PARD3: variants seen among roughly 807,000 people sequenced by gnomAD.
The protein encoded by PARD3 is par-3 family cell polarity regulator.
Under a neutral mutation model 155.4 loss-of-function variants are expected in PARD3, and 75 were observed. The observed-to-expected ratio is 0.48, with a 90% CI of 0.40 to 0.58. The LOEUF is 0.58. Ranked by LOEUF, PARD3 falls within the 20% of genes least tolerant of loss-of-function variation. PARD3 has a pLI of 0.00. For synonymous variants in PARD3, 576 were observed against 610.5 expected, an observed-to-expected ratio of 0.94 and a Z score of 0.83; for missense variants, 1,642 against 1,721.7, an observed-to-expected ratio of 0.95 and a Z score of 0.82.
Position 34,561,127 on chromosome 10 carries a change from G to A in PARD3, c.223-43968C>T, listed in dbSNP as rs551368930. Among the ~76,000 whole-genome samples the A allele has an allele frequency of 5.3e-5, 8 of 152,232 alleles. No homozygotes were observed. In the East Asian group the frequency reaches 9.7e-4, roughly 18 times the overall value. ...AAATATTATTCTGAATACTCCAAAC[G>A]TGTGATGCAAATTATACCGACTCTA... On this transcript the variant is annotated intron_variant, in intron 2 of 24. Transcript: ENST00000374788.
chr10:34,756,726 T>C (rs898489389), intron 1 of PARD3, among the ~76,000 whole-genome samples: 6 of 152,112 alleles, frequency 3.9e-5, no homozygotes, highest in Admixed American at 2.0e-4. Context: ...AGTCTGGGAT[T>C]ACAGGTGTGA....
chr10:34,515,077 A>G (rs2081627233), intron 3 of PARD3, among the ~76,000 whole-genome samples: 1 of 152,170 alleles, frequency 6.6e-6, no homozygotes, highest in South Asian at 2.1e-4. Flanking sequence ...CCATGAGTCA[A>G]ATTTAGGCAG....
chr10:34,581,324 C>T (rs2087461729), intron 2 of PARD3, among the ~76,000 whole-genome samples: 1 of 149,538 alleles, frequency 6.7e-6, no homozygotes, highest in African/African-American at 2.5e-5. Context: ...AACCTCCACC[C>T]TCCAGGTTCA....
At chr10:34,186,357 TAAAAAAA>T (rs61694192) in intron 22 of PARD3, among the ~76,000 whole-genome samples, 1 of 125,782 alleles carries the variant, frequency 8.0e-6, no homozygotes, top group Admixed American at 8.2e-5. Context: ...GAGACCCTCT[TAAAAAAA>T]AAAAAAAAAA....
chr10:34,790,967 T>C (rs536776343), intron 1 of PARD3, among the ~76,000 whole-genome samples: 1 of 152,210 alleles, frequency 6.6e-6, no homozygotes, highest in South Asian at 2.1e-4. Context: ...GGCACGCACA[T>C]GGGCTCACAC....
At chr10:34,571,098 G>A (rs2086357162) in intron 2 of PARD3, among the ~76,000 whole-genome samples, 1 of 152,098 alleles carries the variant, frequency 6.6e-6, no homozygotes, top group Non-Finnish European at 1.5e-5. Context: ...ATTGCTTGAG[G>A]CCAGGAGTGC....
At chr10:34,144,485 T>A (rs1264652167) in intron 22 of PARD3, among the ~76,000 whole-genome samples, 1 of 152,224 alleles carries the variant, frequency 6.6e-6, no homozygotes, top group Non-Finnish European at 1.5e-5. Context: ...ATGATGAAAG[T>A]GCCATGCTCA....
chr10:34,469,270 C>G (rs1459466972), intron 4 of PARD3, among the ~76,000 whole-genome samples: 1 of 152,156 alleles, frequency 6.6e-6, no homozygotes, highest in Non-Finnish European at 1.5e-5. Context: ...GCCAGCACAC[C>G]TGGCTAATTT....
intron 2 of PARD3, among the ~76,000 whole-genome samples, chr10:34,645,725 T>A (rs988330997): frequency 6.6e-6 from 1 of 152,194 alleles, no homozygotes; most frequent in Non-Finnish European, 1.5e-5. Flanking sequence ...TCTCTGCAGG[T>A]GCCTGTTCTC....
At position 34,538,226 on chromosome 10, in the gene PARD3, C is replaced by T. The variant is rs560539720; in HGVS notation, c.223-21067G>A. Among the ~76,000 whole-genome samples the T allele has an allele frequency of 3.3e-5, 5 of 152,302 alleles. No homozygotes were observed. In the East Asian group the frequency reaches 7.7e-4, roughly 24 times the overall value. ...AATACTGAAGAAAAACCTCTGAATT[C>T]GGTAAGTTAGGGTTCCTAGCATCAA... On this transcript the variant is annotated intron_variant, in intron 2 of 24. Coordinates refer to ENST00000374788, the MANE Select transcript of PARD3 (RefSeq NM_001184785.2).
At chr10:34,736,330 CT>C (rs564413627) in intron 1 of PARD3, among the ~76,000 whole-genome samples, 1,317 of 128,378 alleles carry the variant, frequency 0.01, 17 homozygotes, top group African/African-American at 0.031. Flanking sequence ...GCGCCTGGCC[CT>C]TTTTTTTTTT....
chr10:34,567,622 T>A (rs1235381957), intron 2 of PARD3, among the ~76,000 whole-genome samples: 1 of 152,172 alleles, frequency 6.6e-6, no homozygotes, highest in Non-Finnish European at 1.5e-5. Flanking sequence ...AATCCTTAAT[T>A]AACACAAGGA....
chr10:34,185,462 A>G lies in PARD3; in HGVS notation c.3420-53879T>C, dbSNP rs572414544. On this transcript the variant is annotated intron_variant, in intron 22 of 24. Coordinates refer to ENST00000374788, the MANE Select transcript of PARD3 (RefSeq NM_001184785.2). ...CTTTAAATTAGTCTTCATGTATATT[A>G]AAAACAGAAAAAGACAAAAGGAAAA... Among the ~76,000 whole-genome samples the G allele has an allele frequency of 9.2e-5, 14 of 152,342 alleles. No individual in the cohort carries two copies. In the East Asian group the frequency reaches 2.1e-3, roughly 23 times the overall value.
chr10:34,162,165 G>C (rs1463817205), intron 22 of PARD3, among the ~76,000 whole-genome samples: 1 of 152,106 alleles, frequency 6.6e-6, no homozygotes, highest in Non-Finnish European at 1.5e-5. Context: ...ACCTGCACAG[G>C]GAGTTTGCCT....
At chr10:34,652,034 TC>T (rs747839841) in intron 2 of PARD3, among the ~76,000 whole-genome samples, 1 of 152,332 alleles carries the variant, frequency 6.6e-6, no homozygotes, top group East Asian at 1.9e-4. Context: ...CAGCATTTTT[TC>T]CTCCGGGTTC....
At chr10:34,156,853 A>G (rs566909603) in intron 22 of PARD3, among the ~76,000 whole-genome samples, 142 of 152,180 alleles carry the variant, frequency 9.3e-4, no homozygotes, top group African/African-American at 3.0e-3. Context: ...TGCACATTTC[A>G]TCTTACTATA....
rs2094776930 is a variant in PARD3 at position 34,729,421 on chromosome 10, C to A, written c.121-33002G>T. Reference sequence around the variant, plus strand: ...TGGTGGGTGCCTGTAATCCCAGCTACTCGGGAGGCTAAGGCAAGAGAACCA... The same window carrying A: ...TGGTGGGTGCCTGTAATCCCAGCTAATCGGGAGGCTAAGGCAAGAGAACCA... On this transcript the variant is annotated intron_variant, in intron 1 of 24. Transcript: ENST00000374788. Among the ~76,000 whole-genome samples, 4 of 151,558 alleles carry A rather than the reference C, an allele frequency of 2.6e-5. No individual in the cohort carries two copies. In the South Asian group the frequency reaches 8.4e-4, roughly 32 times the overall value.
chr10:34,631,332 C>T (rs1383804530), intron 2 of PARD3, among the ~76,000 whole-genome samples: 2 of 152,052 alleles, frequency 1.3e-5, no homozygotes, highest in African/African-American at 2.4e-5. Flanking sequence ...AAGGCAAGTA[C>T]ATTGATTGAA....
chr10:34,311,312 G>A (rs1957685193), intron 20 of PARD3, among the ~76,000 whole-genome samples: 2 of 152,024 alleles, frequency 1.3e-5, no homozygotes, highest in Middle Eastern at 3.2e-3. Flanking sequence ...GTGTGGCCCA[G>A]GCTCGTCTCG....
Sources: gnomAD v4.1 joint callset for allele counts (sites outside exome capture counted in the v4.1 genomes callset) on GRCh38, gnomAD v4.1.1 for gene constraint, MANE v1.5 for transcripts, NCBI Gene and HGNC (gene_info 2026-07-23, HGNC 2026-07-21) for gene names.